Variants in BCKDHB observed in about 807,000 individuals in gnomAD.
BCKDHB encodes 2-oxoisovalerate dehydrogenase subunit beta, mitochondrial.
Under a neutral mutation model 48.5 loss-of-function variants are expected in BCKDHB, and 41 were observed. The observed-to-expected ratio is 0.85, with a 90% CI of 0.66 to 1.10. The LOEUF (loss-of-function observed/expected upper bound fraction) is 1.10. BCKDHB is among the 50% of genes least tolerant of loss of function. The pLI is 0.00. For missense variants in BCKDHB, 496 were observed against 494.2 expected, an observed-to-expected ratio of 1.00 and a Z score of -0.03; for synonymous variants, 201 against 174.8, an observed-to-expected ratio of 1.15 and a Z score of -1.18.
At chr6:80,370,392 CTTATT>C in the BCKDHB span, among the ~76,000 whole-genome samples, 1 of 152,020 alleles carries the variant, frequency 6.6e-6, no homozygotes, top group Non-Finnish European at 1.5e-5. Flanking sequence ...CTGTTTTTCG[CTTATT>C]TTATTTTATG....
the BCKDHB span, among the ~76,000 whole-genome samples, chr6:80,455,739 C>T: frequency 2.0e-4 from 31 of 151,962 alleles, no homozygotes; most frequent in Non-Finnish European, 4.0e-4. Context: ...TTCTTAAAAT[C>T]CTTAATGTTT....
intron 8 of BCKDHB, among the ~76,000 whole-genome samples, chr6:80,262,445 A>G (rs961596558): frequency 4.6e-5 from 7 of 152,076 alleles, no homozygotes; most frequent in Admixed American, 2.6e-4. Flanking sequence ...CTGAGAATCA[A>G]CTCTCAGAAC....
At chr6:80,407,478 C>T in the BCKDHB span, among the ~76,000 whole-genome samples, 3 of 152,014 alleles carry the variant, frequency 2.0e-5, no homozygotes, top group African/African-American at 7.2e-5. Flanking sequence ...ATTGATTCTT[C>T]CTATCCATGA....
chr6:80,391,048 A>T, the BCKDHB span, among the ~76,000 whole-genome samples: 18 of 152,144 alleles, frequency 1.2e-4, 1 homozygote, highest in Non-Finnish European at 1.9e-4. Flanking sequence ...AAGTTCTTCA[A>T]TTCTGAGACT....
At chr6:80,428,873 C>T in the BCKDHB span, among the ~76,000 whole-genome samples, 1 of 152,006 alleles carries the variant, frequency 6.6e-6, no homozygotes, top group Non-Finnish European at 1.5e-5. Context: ...CTCATTAGTT[C>T]AATTAGATCC....
chr6:80,269,420 A>G (rs1408874955), intron 8 of BCKDHB, among the ~76,000 whole-genome samples: 1 of 152,136 alleles, frequency 6.6e-6, no homozygotes, highest in East Asian at 1.9e-4. Flanking sequence ...ATCTTTTAGA[A>G]CAAATCTTTT....
chr6:80,421,117 G>T, the BCKDHB span, among the ~76,000 whole-genome samples: 1 of 152,116 alleles, frequency 6.6e-6, no homozygotes, highest in African/African-American at 2.4e-5. Flanking sequence ...CTGGTGGGAG[G>T]TGATTGAATC....
intron 8 of BCKDHB, among the ~76,000 whole-genome samples, chr6:80,220,987 C>T (rs1775423096): frequency 3.9e-5 from 6 of 152,058 alleles, no homozygotes; most frequent in Admixed American, 3.3e-4. Flanking sequence ...CCTGCCTTGG[C>T]CTCCCAAAGT....
the BCKDHB span, among the ~76,000 whole-genome samples, chr6:80,443,823 TA>T: frequency 3.1e-4 from 47 of 152,200 alleles, no homozygotes; most frequent in Non-Finnish European, 5.6e-4. Context: ...GTCCATGTGA[TA>T]GTTAATGTGA....
rs180887258 is a variant in BCKDHB, at chr6:80,220,385, A to T, written c.951+17173A>T. Among the ~76,000 whole-genome samples, 4 of 56,844 alleles carry T rather than the reference A, an allele frequency of 7.0e-5. 1 individual carries two copies. The highest frequency in any genetic ancestry group is 7.1e-4 in the East Asian group (1 of 1,418). The allele number at this position is 56,844 out of a possible 152,430, so 37.3% of individuals were successfully genotyped here. ...TTTTTCAAGTTATGTTCTATAGATT[A>T]TCTCTGTTTCTTTAGTAGTGTTTTT... On this transcript the variant is annotated intron_variant, in intron 8 of 9. Coordinates refer to ENST00000320393, the MANE Select transcript of BCKDHB (RefSeq NM_183050.4).
the BCKDHB span, among the ~76,000 whole-genome samples, chr6:80,383,673 TG>T: frequency 6.6e-6 from 1 of 152,238 alleles, no homozygotes; most frequent in East Asian, 1.9e-4. Context: ...AGAAAAATAA[TG>T]TTTTTTTAAT....
chr6:80,206,610 AG>A (rs1774675807), intron 8 of BCKDHB, among the ~76,000 whole-genome samples: 1 of 151,834 alleles, frequency 6.6e-6, no homozygotes, highest in South Asian at 2.1e-4. Flanking sequence ...TGGAGCCATC[AG>A]AGAAATATAT....
chr6:80,156,173 GTTT>G (rs1410307307), intron 3 of BCKDHB, among the ~76,000 whole-genome samples: 2 of 151,710 alleles, frequency 1.3e-5, no homozygotes, highest in African/African-American at 4.8e-5. Flanking sequence ...AAAATTTGGG[GTTT>G]TACTGTCAAC....
intron 8 of BCKDHB, among the ~76,000 whole-genome samples, chr6:80,229,058 A>G (rs1325761134): frequency 6.6e-6 from 1 of 152,172 alleles, no homozygotes. Flanking sequence ...AAAACTGTGT[A>G]TTCCTTCCAT....
chr6:80,384,259 G>A, the BCKDHB span, among the ~76,000 whole-genome samples: 2 of 152,050 alleles, frequency 1.3e-5, no homozygotes, highest in African/African-American at 4.8e-5. Flanking sequence ...AGGAGAGACT[G>A]GCCTAGCCTC....
At chr6:80,249,614 T>G (rs1427756660) in intron 8 of BCKDHB, among the ~76,000 whole-genome samples, 1 of 152,162 alleles carries the variant, frequency 6.6e-6, no homozygotes, top group Non-Finnish European at 1.5e-5. Flanking sequence ...TCTTTATGTG[T>G]CAAATACATT....
chr6:80,250,992 A>G (rs1776815671), intron 8 of BCKDHB, among the ~76,000 whole-genome samples: 1 of 152,180 alleles, frequency 6.6e-6, no homozygotes, highest in South Asian at 2.1e-4. Context: ...TGTGATAACT[A>G]TTTAAGAATT....
intron 1 of BCKDHB, among the ~76,000 whole-genome samples, chr6:80,126,159 G>A (rs190370030): frequency 1.3e-5 from 2 of 152,134 alleles, no homozygotes; most frequent in African/African-American, 2.4e-5. Flanking sequence ...GTAGAAACAG[G>A]CTATGATTGT....
At chr6:80,377,333 C>G in the BCKDHB span, among the ~76,000 whole-genome samples, 1 of 152,144 alleles carries the variant, frequency 6.6e-6, no homozygotes, top group Non-Finnish European at 1.5e-5. Context: ...TGAGCCACCA[C>G]ACCTGGCCTG....
Sources: allele counts gnomAD v4.1 joint callset (sites outside exome capture counted in the v4.1 genomes callset), GRCh38; gene constraint gnomAD v4.1.1; transcripts MANE v1.5; gene names NCBI Gene and HGNC (gene_info 2026-07-23, HGNC 2026-07-21).